PHACTR3: variants seen among roughly 807,000 people sequenced by gnomAD.
The protein encoded by PHACTR3 is protein phosphatase 1, regulatory subunit 123.
Under a neutral mutation model 66.8 loss-of-function variants are expected in PHACTR3, and 16 were observed. The observed-to-expected ratio is 0.24, with a 90% CI of 0.16 to 0.36. PHACTR3 has a LOEUF of 0.36. Ranked by LOEUF, PHACTR3 falls within the 10% of genes least tolerant of loss-of-function variation. The probability of loss-of-function intolerance (pLI) is 1.00; values close to 1 mark genes in which losing one functional copy is unlikely to be tolerated. For synonymous variants in PHACTR3, 323 were observed against 292.1 expected, an observed-to-expected ratio of 1.11 and a Z score of -1.08; for missense variants, 647 against 719.9, an observed-to-expected ratio of 0.90 and a Z score of 1.16.
chr20:59,716,937 C>T (rs2038116029), intron 1 of PHACTR3, among the ~76,000 whole-genome samples: 5 of 152,176 alleles, frequency 3.3e-5, no homozygotes, highest in African/African-American at 2.4e-5. Flanking sequence ...ATCTATCATG[C>T]TCCCTGATGG....
chr20:59,691,486 G>A (rs1250400425), intron 1 of PHACTR3, among the ~76,000 whole-genome samples: 1 of 151,598 alleles, frequency 6.6e-6, no homozygotes, highest in East Asian at 1.9e-4. Context: ...TCTATTTTTG[G>A]ACTTTTCATT....
chr20:59,755,010 C>T (rs532945507), intron 3 of PHACTR3, among the ~76,000 whole-genome samples, 172 bp from the exon 4 acceptor site: 1 of 152,178 alleles, frequency 6.6e-6, no homozygotes, highest in South Asian at 2.1e-4. Context: ...GCCCAGGGCT[C>T]CCCTGGAAAG....
chr20:59,842,426 C>G (rs2059080373), intron 11 of PHACTR3, among the ~76,000 whole-genome samples: 1 of 152,146 alleles, frequency 6.6e-6, no homozygotes, highest in Non-Finnish European at 1.5e-5. Flanking sequence ...TTGCCTGGTT[C>G]TTTGTGACTG....
At chr20:59,588,608 A>G (rs1244053145) in intron 1 of PHACTR3, among the ~76,000 whole-genome samples, 2 of 152,086 alleles carry the variant, frequency 1.3e-5, no homozygotes, top group African/African-American at 4.8e-5. Context: ...GCCTGTCCCC[A>G]TCCTCAGCCT....
intron 1 of PHACTR3, among the ~76,000 whole-genome samples, chr20:59,612,471 G>A (rs1426481016): frequency 1.3e-5 from 2 of 151,618 alleles, no homozygotes; most frequent in Non-Finnish European, 2.9e-5. Flanking sequence ...AGCAATTCTT[G>A]CCTGCTGGGT....
chr20:59,662,637 G>T (rs1057002652), intron 1 of PHACTR3, among the ~76,000 whole-genome samples: 1 of 152,178 alleles, frequency 6.6e-6, no homozygotes, highest in Middle Eastern at 3.2e-3. Context: ...GAGCTGTTAA[G>T]TAGGGAGTGA....
intron 1 of PHACTR3, among the ~76,000 whole-genome samples, chr20:59,592,523 C>G (rs2033214421): frequency 6.6e-6 from 1 of 152,138 alleles, no homozygotes; most frequent in African/African-American, 2.4e-5. Flanking sequence ...TTCTTTAGAC[C>G]AATTCATTCA....
intron 8 of PHACTR3, among the ~76,000 whole-genome samples, chr20:59,826,195 G>T (rs1266563679): frequency 1.3e-5 from 2 of 152,076 alleles, no homozygotes; most frequent in Non-Finnish European, 2.9e-5. Flanking sequence ...AGATCAGTGG[G>T]GTGGGGGAGG....
chr20:59,760,096 A>G (rs1395994081), intron 4 of PHACTR3, among the ~76,000 whole-genome samples: 3 of 152,092 alleles, frequency 2.0e-5, no homozygotes, highest in African/African-American at 4.8e-5. Context: ...AAAAAGCACA[A>G]GGGGCTGTCC....
chr20:59,743,361 C>T lies in PHACTR3; in HGVS notation c.280+93C>T, dbSNP rs1209805336. ...CCCCTGCTGATCTGTGACTTCCTGGCCCCTACACAGGAGGGGCAGATGTGC... is the reference window on the plus strand; with the variant it reads ...CCCCTGCTGATCTGTGACTTCCTGGTCCCTACACAGGAGGGGCAGATGTGC... On this transcript the variant is annotated intron_variant, in intron 2 of 12. Coordinates refer to ENST00000371015, the MANE Select transcript of PHACTR3 (RefSeq NM_080672.5). 2.7e-6 allele frequency: 4 copies of T among 1,477,798 alleles called. No homozygotes were observed. In the African/African-American group the frequency reaches 4.2e-5, roughly 16 times the overall value. 91.5% of individuals were successfully genotyped at this position (1,477,798 alleles called of 1,614,324 possible).
At chr20:59,643,586 C>G (rs2035180179) in intron 1 of PHACTR3, among the ~76,000 whole-genome samples, 1 of 152,172 alleles carries the variant, frequency 6.6e-6, no homozygotes, top group Non-Finnish European at 1.5e-5. Context: ...TAATTAGACT[C>G]TAAAATTAGA....
At chr20:59,757,318 T>C (rs1367073767) in intron 4 of PHACTR3, among the ~76,000 whole-genome samples, 1 of 152,262 alleles carries the variant, frequency 6.6e-6, no homozygotes, top group Non-Finnish European at 1.5e-5. Flanking sequence ...GCTCCCGCTC[T>C]CTCTCCAGAT....
intron 1 of PHACTR3, among the ~76,000 whole-genome samples, chr20:59,661,476 C>T (rs542100244): frequency 1.3e-5 from 2 of 152,262 alleles, no homozygotes; most frequent in South Asian, 4.1e-4. Context: ...TCTCCTTCAC[C>T]CTCTCACAGC....
At chr20:59,607,420 C>G (rs2033707489) in intron 1 of PHACTR3, among the ~76,000 whole-genome samples, 1 of 152,228 alleles carries the variant, frequency 6.6e-6, no homozygotes, top group Admixed American at 6.5e-5. Context: ...GAACCTGAAG[C>G]TCCAGCTGTG....
chr20:59,832,234 C>T (rs145853076), intron 8 of PHACTR3, among the ~76,000 whole-genome samples: 25 of 151,824 alleles, frequency 1.6e-4, no homozygotes, highest in African/African-American at 5.4e-4. Context: ...AGGGTCTCGC[C>T]TGTAATGTTG....
At chr20:59,628,750 G>A (rs559815051) in intron 1 of PHACTR3, 16 of 985,584 alleles carry the variant, frequency 1.6e-5, no homozygotes, top group Non-Finnish European at 1.9e-5. Context: ...GGATGGATTT[G>A]TGGGACCCTG....
chr20:59,789,124 G>A (rs918138139), intron 7 of PHACTR3, among the ~76,000 whole-genome samples: 1 of 152,238 alleles, frequency 6.6e-6, no homozygotes, highest in Non-Finnish European at 1.5e-5. Context: ...TGTTATCCTT[G>A]AGAGAGTGGA....
intron 1 of PHACTR3, among the ~76,000 whole-genome samples, chr20:59,612,944 G>A (rs1172761151): frequency 6.6e-6 from 1 of 152,122 alleles, no homozygotes; most frequent in Non-Finnish European, 1.5e-5. Context: ...AAGCAAGAGA[G>A]GGATGAGGAA....
chr20:59,789,660 C>T (rs1405485953), intron 7 of PHACTR3, among the ~76,000 whole-genome samples: 1 of 152,190 alleles, frequency 6.6e-6, no homozygotes, highest in Non-Finnish European at 1.5e-5. Flanking sequence ...AAAAAGAAAA[C>T]CAAATGGAAG....
Sources: gnomAD v4.1 joint callset for allele counts (sites outside exome capture counted in the v4.1 genomes callset) on GRCh38, gnomAD v4.1.1 for gene constraint, MANE v1.5 for transcripts, NCBI Gene and HGNC (gene_info 2026-07-23, HGNC 2026-07-21) for gene names.